POMGNT1: variants seen among roughly 807,000 people sequenced by gnomAD.
POMGNT1 encodes the protein protein O-linked-mannose beta-1,2-N-acetylglucosaminyltransferase 1.
A neutral mutation model predicts 95.6 loss-of-function variants in POMGNT1; 67 were observed. That is an observed-to-expected ratio of 0.70 (90% CI 0.58 to 0.86). POMGNT1 has a LOEUF of 0.86. POMGNT1 is among the 40% of genes least tolerant of loss of function. POMGNT1 has a pLI of 0.00. For synonymous variants in POMGNT1, 298 were observed against 317.9 expected, an observed-to-expected ratio of 0.94 and a Z score of 0.66; for missense variants, 719 against 855.2, an observed-to-expected ratio of 0.84 and a Z score of 1.99.
intron 11 of POMGNT1, 46 bp downstream of exon 11, chr1:46,193,518 G>T: frequency 1.9e-6 from 3 of 1,614,046 alleles, no homozygotes; most frequent in Non-Finnish European, 2.5e-6. Context: ...AATCACTGCT[G>T]CTCCATGTTG....
At chr1:46,193,031 C>A (rs902718477) in intron 13 of POMGNT1, 73 bp from the exon 14 acceptor site, 4 of 1,605,960 alleles carry the variant, frequency 2.5e-6, no homozygotes, top group Non-Finnish European at 3.4e-6. Context: ...CCCCAACCCT[C>A]TTCTTGCAGG....
At chr1:46,199,215 T>C (rs1428021885), upstream of POMGNT1, among the ~76,000 whole-genome samples, 4 of 152,206 alleles carry the variant, frequency 2.6e-5, no homozygotes, top group Non-Finnish European at 4.4e-5. Flanking sequence ...GTGCTGGGAT[T>C]ATGGGCAGTG....
At chr1:46,215,241 AAAG>A (rs1659030256) in intron 1 of POMGNT1, among the ~76,000 whole-genome samples, 14 of 151,890 alleles carry the variant, frequency 9.2e-5, no homozygotes, top group Admixed American at 9.2e-4. Context: ...AAAAAAAAAA[AAAG>A]AGATGCAAGA....
chr1:46,204,648 G>A (rs1017463927), intron 1 of POMGNT1, among the ~76,000 whole-genome samples: 1 of 152,216 alleles, frequency 6.6e-6, no homozygotes, highest in African/African-American at 2.4e-5. Context: ...TGGGAAGAGA[G>A]TCTGGTGGGT....
intron 1 of POMGNT1, among the ~76,000 whole-genome samples, chr1:46,208,976 TA>T (rs1220228011): frequency 6.6e-6 from 1 of 152,180 alleles, no homozygotes; most frequent in African/African-American, 2.4e-5. Flanking sequence ...AACTCAGACC[TA>T]AAAAATGCTC....
At chr1:46,194,761 T>C in intron 7 of POMGNT1, 83 bp downstream of exon 7, 1 of 1,613,602 alleles carries the variant, frequency 6.2e-7, no homozygotes, top group Non-Finnish European at 8.5e-7. Flanking sequence ...CTCCTATTTG[T>C]TCCCCACCCC....
rs1470155625 is a variant in POMGNT1 at position 46,189,228 on chromosome 1, G to C, written c.*42C>G. The C allele has an allele frequency of 1.3e-6, 2 of 1,593,200 alleles. No individual in the cohort carries two copies. The highest frequency in any genetic ancestry group is 1.4e-5 in the African/African-American group (1 of 73,686). ...ATGGAGGGAAGGGCTAGCCAGCCTG[G>C]GGGTACACAGTACCCAGCCCCGCAG... On this transcript the variant is annotated 3_prime_UTR_variant, in exon 22 of 22. Transcript: ENST00000371984.
At chr1:46,218,891 C>A (rs1412197660) in intron 1 of POMGNT1, among the ~76,000 whole-genome samples, 2 of 152,106 alleles carry the variant, frequency 1.3e-5, no homozygotes, top group African/African-American at 4.8e-5. Context: ...GGTTAGCTCT[C>A]TTTATTCCCC....
rs117422554 is a variant in POMGNT1, at chr1:46,196,138, T to C, written c.355-61A>G. On this transcript the variant is annotated intron_variant, in intron 4 of 21. Coordinates refer to ENST00000371984, the MANE Select transcript of POMGNT1 (RefSeq NM_017739.4). This position sits in a 1 kb window ranked among gnomAD's most constrained non-coding sequence, Gnocchi z 4.4. Reference sequence around the variant, plus strand: ...TCTGGCATTCAAGGTGTCTCTGTCTTAGGGGTACTTAAAACACCAGCTGCT... The same window carrying C: ...TCTGGCATTCAAGGTGTCTCTGTCTCAGGGGTACTTAAAACACCAGCTGCT... 40 of 1,611,594 alleles carry C rather than the reference T, an allele frequency of 2.5e-5. No individual in the cohort carries two copies. In the East Asian group the frequency reaches 8.0e-4, roughly 32 times the overall value.
Position 46,189,873 on chromosome 1 carries a change from G to A in POMGNT1, c.1766C>T (p.Thr589Ile). The A allele has an allele frequency of 6.2e-7, 1 of 1,613,920 alleles. No individual in the cohort carries two copies. Among genetic ancestry groups the A allele is most frequent in the East Asian group, 2.2e-5 (1 of 44,870 alleles). The change falls in exon 20 of 22, where the codon ACC becomes ATC. Residue 589 changes from threonine (T) to isoleucine (I), a missense_variant. Thr to Ile is a moderately conservative substitution (Grantham distance 89). Coordinates refer to ENST00000371984, the MANE Select transcript of POMGNT1 (RefSeq NM_017739.4). ...IRMEKDDDFTTWTQLAKCLHI... is the reference protein window; with the variant it reads ...IRMEKDDDFTIWTQLAKCLHI... ...GAGCACCTTGGCAAGCTGGGTCCAG[G>A]TGGTGAAGTCATCATCTTTCTCCAT...
upstream of POMGNT1, among the ~76,000 whole-genome samples, chr1:46,199,194 G>A (rs1173470343): frequency 6.6e-6 from 1 of 152,184 alleles, no homozygotes; most frequent in Non-Finnish European, 1.5e-5. Context: ...CGCCCGCCTT[G>A]GCCTCCCAAA....
chr1:46,198,655 C>G (rs951129258), upstream of POMGNT1, among the ~76,000 whole-genome samples: 16 of 152,278 alleles, frequency 1.1e-4, no homozygotes, highest in African/African-American at 3.1e-4. Flanking sequence ...GAGAGCAGCC[C>G]GCTCCCCAGC....
chr1:46,203,819 G>T (rs1571680104), intron 1 of POMGNT1, among the ~76,000 whole-genome samples: 1 of 152,270 alleles, frequency 6.6e-6, no homozygotes, highest in South Asian at 2.1e-4. Flanking sequence ...CCCCAAGAGT[G>T]AGTGGGGTGT....
In POMGNT1 at chr1:46,192,184, G is replaced by A. The variant is rs755588045; in HGVS notation, c.1453C>T (p.Arg485Cys). The change falls in exon 17 of 22, where the codon CGC becomes TGC. Residue 485 changes from arginine to cysteine, a missense_variant. Coordinates refer to ENST00000371984, the MANE Select transcript of POMGNT1 (RefSeq NM_017739.4). The part of the protein sequence containing the change: ...WDMWMRMPEQ[R>C]RGRECIIPDV... Reference sequence around the variant, plus strand: ...GGGATGATGCACTCTCGGCCCCGGCGTTGTTCAGGCATCCGCATCCACATG... The same window carrying A: ...GGGATGATGCACTCTCGGCCCCGGCATTGTTCAGGCATCCGCATCCACATG... 26 of 1,614,082 alleles carry A rather than the reference G, an allele frequency of 1.6e-5. No individual in the cohort carries two copies. The highest frequency in any genetic ancestry group is 1.7e-5 in the Non-Finnish European group (20 of 1,180,038).
chr1:46,196,095 C>G lies in POMGNT1; in HGVS notation c.355-18G>C, dbSNP rs752485539. 2 of 1,613,870 alleles carry G rather than the reference C, an allele frequency of 1.2e-6. No individual in the cohort carries two copies. The highest frequency in any genetic ancestry group is 1.7e-6 in the Non-Finnish European group (2 of 1,180,020). ...TCCAGCACCTACACAGTGGCAGAGA[C>G]AAAGTCCAGCTTTTCACTCTGGCAT... On this transcript the variant is annotated intron_variant, in intron 4 of 21. Coordinates refer to ENST00000371984, the MANE Select transcript of POMGNT1 (RefSeq NM_017739.4). This position sits in a 1 kb window ranked among gnomAD's most constrained non-coding sequence, Gnocchi z 4.4.
In POMGNT1 at chr1:46,196,139, A is replaced by T. The variant is rs1313440226; in HGVS notation, c.355-62T>A. 6.2e-7 allele frequency: 1 copy of T among 1,611,462 alleles called. No individual in the cohort carries two copies. The highest frequency in any genetic ancestry group is 1.3e-5 in the African/African-American group (1 of 74,858). ...CTGGCATTCAAGGTGTCTCTGTCTT[A>T]GGGGTACTTAAAACACCAGCTGCTT... On this transcript the variant is annotated intron_variant, in intron 4 of 21. Transcript: ENST00000371984. This position sits in a 1 kb window ranked among gnomAD's most constrained non-coding sequence, Gnocchi z 4.4.
chr1:46,209,252 G>C (rs768782702), intron 1 of POMGNT1, among the ~76,000 whole-genome samples: 1 of 152,212 alleles, frequency 6.6e-6, no homozygotes, highest in Non-Finnish European at 1.5e-5. Context: ...TCGAACTCCC[G>C]AACTCAGGTG....
upstream of POMGNT1, chr1:46,198,442 C>G (rs1189020311): frequency 6.6e-6 from 1 of 150,378 alleles, no homozygotes; most frequent in African/African-American, 2.4e-5. Context: ...CCCGCCCCGG[C>G]CTGGCCCGCC....
chr1:46,197,748 C>A lies in POMGNT1; in HGVS notation c.74G>T (p.Trp25Leu), dbSNP rs1475539242. The change falls in exon 2 of 22, where the codon TGG (tryptophan) becomes TTG (leucine). Residue 25 changes from tryptophan (W) to leucine (L), a missense_variant. Transcript: ENST00000371984. ...CCGCTGGTTTGTCAGTTTATACTTC[C>A]AGGTAAGGTACCAGCTCCGCTTCTT... ...ARKKRSWYLT[W>L]KYKLTNQRAL... 2 of 1,614,144 alleles carry A rather than the reference C, an allele frequency of 1.2e-6. No individual in the cohort carries two copies. The highest frequency in any genetic ancestry group is 3.3e-5 in the Admixed American group (2 of 60,018).
Sources: allele counts gnomAD v4.1 joint callset (sites outside exome capture counted in the v4.1 genomes callset), GRCh38; gene constraint gnomAD v4.1.1; non-coding constraint Gnocchi (gnomAD v3.1); transcripts MANE v1.5; gene names NCBI Gene and HGNC (gene_info 2026-07-23, HGNC 2026-07-21).